NGEF: variants seen among roughly 807,000 people sequenced by gnomAD.
NGEF encodes the protein ephexin-1.
In NGEF, 31 loss-of-function variants were observed where a neutral mutation model predicts 80.9. The ratio of observed to expected loss-of-function variants is 0.38; its 90% CI spans 0.29 to 0.52. The LOEUF is 0.52. NGEF is among the 20% of genes least tolerant of loss of function. NGEF has a pLI of 0.84. For missense variants in NGEF, 709 were observed against 926.2 expected, an observed-to-expected ratio of 0.77 and a Z score of 3.04; for synonymous variants, 371 against 370.2, an observed-to-expected ratio of 1.00 and a Z score of -0.03.
chr2:232,879,628 C>T lies in NGEF; in HGVS notation c.1994G>A (p.Ser665Asn), dbSNP rs1250757132. ...LHDQERGWFP[S>N]SMTEEILNPK... ...ATTCAAGATCTCCTCAGTCATGGAG[C>T]TGGGGAACCAGCCTCTCTCCTGGTC... The change falls in exon 15 of 15, where the codon AGC becomes AAC. Residue 665 changes from serine (S) to asparagine (N), a missense_variant. Physicochemically the swap from Ser to Asn is conservative, Grantham distance 46 (BLOSUM62 1). Transcript: ENST00000264051. The T allele has an allele frequency of 1.2e-6, 2 of 1,613,480 alleles. No individual in the cohort carries two copies. Among genetic ancestry groups the T allele is most frequent in the South Asian group, 1.1e-5 (1 of 91,086 alleles).
intron 1 of NGEF, among the ~76,000 whole-genome samples, chr2:233,006,664 A>T (rs1436555361): frequency 6.6e-6 from 1 of 152,218 alleles, no homozygotes; most frequent in Non-Finnish European, 1.5e-5. Flanking sequence ...TTCTCATGGC[A>T]TATCAGGAAA....
At chr2:232,907,159 T>TAAAAAA (rs1181408500) in intron 5 of NGEF, among the ~76,000 whole-genome samples, 1 of 25,828 alleles carries the variant, frequency 3.9e-5, no homozygotes, top group Non-Finnish European at 9.1e-5. Context: ...AATGATCAAT[T>TAAAAAA]AAAAAAAAAA....
chr2:233,002,134 GTCC>G (rs1327851308), intron 1 of NGEF, among the ~76,000 whole-genome samples: 4 of 152,180 alleles, frequency 2.6e-5, no homozygotes, highest in Non-Finnish European at 5.9e-5. Context: ...AGATCCTCCT[GTCC>G]TCCTTCCAGC....
chr2:232,900,054 TCA>T lies in NGEF; in HGVS notation c.829-5140_829-5139del, dbSNP rs1342375575. Among the ~76,000 whole-genome samples, 65 of 140,568 alleles carry T rather than the reference TCA, an allele frequency of 4.6e-4. 1 individual carries two copies. The highest frequency in any genetic ancestry group is 1.8e-3 in the East Asian group (8 of 4,516). The allele number at this position is 140,568 out of a possible 152,430, so 92.2% of individuals were successfully genotyped here. On this transcript the variant is annotated intron_variant, in intron 5 of 14. Transcript: ENST00000264051. ...CACATTCACTCACACACACACGCTC[TCA>T]CAGTCACTCATATACACGTTCACTC...
intron 5 of NGEF, among the ~76,000 whole-genome samples, chr2:232,895,720 G>A (rs1208364045): frequency 6.6e-6 from 1 of 152,034 alleles, no homozygotes; most frequent in Non-Finnish European, 1.5e-5. Context: ...GGAATCTGGG[G>A]GGATGTTTAC....
intron 9 of NGEF, among the ~76,000 whole-genome samples, chr2:232,885,920 G>T (rs1314565263): frequency 6.6e-6 from 1 of 152,236 alleles, no homozygotes. Context: ...TGAGAAACAC[G>T]CTCGCCAGCC....
At chr2:232,921,766 C>T (rs1258234996) in intron 4 of NGEF, among the ~76,000 whole-genome samples, 1 of 152,158 alleles carries the variant, frequency 6.6e-6, no homozygotes, top group African/African-American at 2.4e-5. Context: ...GACGTGAACC[C>T]CTGTGCCTGG....
intron 5 of NGEF, among the ~76,000 whole-genome samples, chr2:232,917,688 T>C (rs1559207840): frequency 6.6e-6 from 1 of 152,138 alleles, no homozygotes; most frequent in East Asian, 1.9e-4. Flanking sequence ...ATGACTCTGT[T>C]CACTTGGGTA....
At chr2:232,900,380 ACGCTCT>A (rs1692288242) in intron 5 of NGEF, among the ~76,000 whole-genome samples, 1 of 100,920 alleles carries the variant, frequency 9.9e-6, no homozygotes, top group Non-Finnish European at 2.0e-5. Flanking sequence ...TTACACACAC[ACGCTCT>A]CACAGTCACT....
intron 3 of NGEF, among the ~76,000 whole-genome samples, chr2:232,963,930 A>G (rs1395218620): frequency 1.3e-5 from 2 of 152,194 alleles, no homozygotes; most frequent in East Asian, 3.8e-4. Context: ...TATAATAAAA[A>G]ATAAAAAATG....
chr2:232,916,909 C>T (rs548342979), intron 5 of NGEF, among the ~76,000 whole-genome samples: 8 of 152,352 alleles, frequency 5.3e-5, no homozygotes, highest in Admixed American at 2.6e-4. Context: ...TCCACTCAAC[C>T]CACTGGCTGA....
intron 8 of NGEF, 122 bp downstream of exon 8, chr2:232,891,236 C>A: frequency 7.6e-7 from 1 of 1,315,326 alleles, no homozygotes; most frequent in Non-Finnish European, 1.1e-6. Context: ...GTGCTTGGCA[C>A]ACATGGGAGG....
chr2:232,928,881 C>T (rs1693157625), intron 3 of NGEF, among the ~76,000 whole-genome samples: 1 of 152,232 alleles, frequency 6.6e-6, no homozygotes, highest in African/African-American at 2.4e-5. Flanking sequence ...GGTCAGTCCG[C>T]TCGCGGATCA....
At chr2:232,921,093 T>G (rs1692933034) in intron 4 of NGEF, among the ~76,000 whole-genome samples, 1 of 152,196 alleles carries the variant, frequency 6.6e-6, no homozygotes, top group Non-Finnish European at 1.5e-5. Flanking sequence ...AAACATTCCC[T>G]TTTTTGCTTT....
At chr2:232,922,164 CA>C (rs1692960773) in intron 4 of NGEF, among the ~76,000 whole-genome samples, 1 of 152,224 alleles carries the variant, frequency 6.6e-6, no homozygotes, top group Non-Finnish European at 1.5e-5. Context: ...TACCACTTGA[CA>C]AGCACTTGCT....
At chr2:232,990,022 G>A (rs145824221) in intron 1 of NGEF, among the ~76,000 whole-genome samples, 7 of 152,276 alleles carry the variant, frequency 4.6e-5, no homozygotes, top group African/African-American at 1.7e-4. Context: ...ATAAGAGTAT[G>A]GTTCTTGCTG....
chr2:232,972,798 C>T (rs1694222617), intron 2 of NGEF, among the ~76,000 whole-genome samples: 1 of 140,738 alleles, frequency 7.1e-6, no homozygotes, highest in Admixed American at 8.0e-5. Context: ...ACTCTTTTGC[C>T]CAGGCTGGAG....
At chr2:233,011,489 C>T (rs1333611129) in intron 1 of NGEF, among the ~76,000 whole-genome samples, 1 of 151,836 alleles carries the variant, frequency 6.6e-6, no homozygotes, top group East Asian at 1.9e-4. Flanking sequence ...GTTTGGTCTC[C>T]TCTGAGAGGC....
intron 3 of NGEF, among the ~76,000 whole-genome samples, chr2:232,968,397 CTTTTA>C (rs147401331): frequency 1.2e-4 from 18 of 148,350 alleles, no homozygotes; most frequent in African/African-American, 3.2e-4. Context: ...CCAGACCTGG[CTTTTA>C]TTTTATTTTA....
Sources: gnomAD v4.1 joint callset for allele counts (sites outside exome capture counted in the v4.1 genomes callset) on GRCh38, gnomAD v4.1.1 for gene constraint, MANE v1.5 for transcripts, NCBI Gene and HGNC (gene_info 2026-07-23, HGNC 2026-07-21) for gene names.